Variants in TMIGD3 observed in about 807,000 individuals in gnomAD.
TMIGD3 encodes AD026 protein (AD026).
In TMIGD3, 21 loss-of-function variants were observed where a neutral mutation model predicts 28.1. That is an observed-to-expected ratio of 0.75 (90% CI 0.53 to 1.08). TMIGD3 has a LOEUF of 1.08. Among genes scored for constraint, TMIGD3 ranks in the 50% least tolerant of loss-of-function variants. The pLI is 0.00. For synonymous variants in TMIGD3, 151 were observed against 162.1 expected (o/e 0.93, Z 0.52); for missense variants, 416 against 435.6 (o/e 0.96, Z 0.40).
chr1:111,499,327 G>A, intron 1 of TMIGD3: 1 of 674,288 alleles, frequency 1.5e-6, no homozygotes, highest in Non-Finnish European at 1.8e-6. Context: ...AAGAAGGTGA[G>A]TATGCCAACA....
intron 1 of TMIGD3, chr1:111,501,233 A>G (rs1655157864): frequency 6.6e-6 from 1 of 152,508 alleles, no homozygotes; most frequent in African/African-American, 2.4e-5. Flanking sequence ...ATGGGCATCC[A>G]TACTTGGTAT....
At chr1:111,493,621 G>T (rs1378927034) in intron 1 of TMIGD3, among the ~76,000 whole-genome samples, 1 of 152,190 alleles carries the variant, frequency 6.6e-6, no homozygotes, top group East Asian at 1.9e-4. Flanking sequence ...CTCTACTTTT[G>T]TATGTATGAA....
At position 111,561,926 on chromosome 1, in the gene TMIGD3, T is replaced by TCTCCCTACTGCATTTACC. The variant is rs573828321; in HGVS notation, c.107+1902_107+1919dup. Among the ~76,000 whole-genome samples, 372 of 152,202 alleles carry TCTCCCTACTGCATTTACC rather than the reference T, an allele frequency of 2.4e-3. 1 individual carries two copies. The highest frequency in any genetic ancestry group is 8.4e-3 in the African/African-American group (349 of 41,536). On this transcript the variant is annotated intron_variant, in intron 1 of 5. Transcript: ENST00000369717. ...CCCCATCTCCTCCTTGCCCCTGGCCTCTCCCTACTGCATTTACCCTCCCTA... is the reference window on the plus strand; with the variant it reads ...CCCCATCTCCTCCTTGCCCCTGGCCTCTCCCTACTGCATTTACCCTCCCTACTGCATTTACCCTCCCTA...
intron 1 of TMIGD3, among the ~76,000 whole-genome samples, chr1:111,534,847 C>T (rs1434887188): frequency 2.0e-5 from 3 of 152,154 alleles, no homozygotes; most frequent in Non-Finnish European, 2.9e-5. Flanking sequence ...CCCCTATTTA[C>T]TCTCCCATCA....
At chr1:111,550,788 C>T (rs191403566) in intron 1 of TMIGD3, among the ~76,000 whole-genome samples, 1 of 152,320 alleles carries the variant, frequency 6.6e-6, no homozygotes, top group East Asian at 1.9e-4. Flanking sequence ...TGCCACCACA[C>T]CCAGCCCAAT....
intron 1 of TMIGD3, among the ~76,000 whole-genome samples, chr1:111,526,947 G>T (rs894995680): frequency 6.9e-6 from 1 of 145,808 alleles, no homozygotes; most frequent in African/African-American, 2.5e-5. Flanking sequence ...CATACAGTAT[G>T]TAGCTTTTTT....
upstream of TMIGD3, among the ~76,000 whole-genome samples, chr1:111,504,453 C>T (rs949880036): frequency 3.3e-5 from 5 of 152,214 alleles, no homozygotes; most frequent in African/African-American, 1.2e-4. Flanking sequence ...CCTGAAGCTG[C>T]TTACCTAGTC....
chr1:111,491,603 A>T (rs1023578192), intron 1 of TMIGD3, among the ~76,000 whole-genome samples: 1 of 152,208 alleles, frequency 6.6e-6, no homozygotes, highest in African/African-American at 2.4e-5. Flanking sequence ...TGAAGTCAGC[A>T]TGTGGGCAAG....
rs915712196 is a variant in TMIGD3, at chr1:111,495,763, A to G, written c.351-5001T>C. 3.3e-5 allele frequency among the ~76,000 whole-genome samples: 5 copies of G among 152,386 alleles called. No homozygotes were observed. The East Asian group carries it at 9.6e-4, about 29-fold the overall frequency. ...AGACATGGAATCAACCTAAATGCCC[A>G]TCAATGGCAGACTGGATTTTTAAAA... is the stretch of plus-strand genomic sequence containing the variant. On this transcript the variant is annotated intron_variant, in intron 1 of 5. Transcript: ENST00000369716.
intron 1 of TMIGD3, among the ~76,000 whole-genome samples, chr1:111,556,485 G>T (rs1452789261): frequency 6.6e-6 from 1 of 152,170 alleles, no homozygotes; most frequent in Non-Finnish European, 1.5e-5. Context: ...AGTTGCCATA[G>T]GGTGGAGGCA....
intron 1 of TMIGD3, among the ~76,000 whole-genome samples, chr1:111,558,788 A>C (rs1174690980): frequency 6.6e-6 from 1 of 152,192 alleles, no homozygotes; most frequent in Non-Finnish European, 1.5e-5. Flanking sequence ...AAATTGACAA[A>C]TACACCACCA....
At chr1:111,530,428 A>C (rs972267261) in intron 1 of TMIGD3, among the ~76,000 whole-genome samples, 2 of 152,130 alleles carry the variant, frequency 1.3e-5, no homozygotes, top group Admixed American at 6.5e-5. Context: ...ATTCCTTTGT[A>C]TAGATCCAGA....
At chr1:111,531,474 A>G (rs1369721296) in intron 1 of TMIGD3, among the ~76,000 whole-genome samples, 1 of 152,104 alleles carries the variant, frequency 6.6e-6, no homozygotes, top group African/African-American at 2.4e-5. Context: ...CCATGTCTCT[A>G]TCTAACATGC....
At chr1:111,511,069 T>C (rs906640283) in intron 1 of TMIGD3, among the ~76,000 whole-genome samples, 2 of 152,248 alleles carry the variant, frequency 1.3e-5, no homozygotes, top group African/African-American at 4.8e-5. Flanking sequence ...TTTATTGATG[T>C]GCACCCCACC....
At chr1:111,505,124 CAAA>C (rs754473063), upstream of TMIGD3, 342 of 103,230 alleles carry the variant, frequency 3.3e-3, 1 homozygote, top group Non-Finnish European at 4.9e-3. Context: ...AGCACTCTGC[CAAA>C]AAAAAAAAAA....
chr1:111,509,427 C>G (rs1655618831), intron 1 of TMIGD3, among the ~76,000 whole-genome samples: 1 of 152,164 alleles, frequency 6.6e-6, no homozygotes, highest in Admixed American at 6.5e-5. Flanking sequence ...TGTCCCCACC[C>G]CTATCACAGT....
In TMIGD3 at chr1:111,516,190, G is replaced by C. The variant is rs566839597; in HGVS notation, c.108-25428C>G. 7.2e-5 allele frequency among the ~76,000 whole-genome samples: 11 copies of C among 152,346 alleles called. No individual in the cohort carries two copies. The South Asian group carries it at 2.3e-3, about 32-fold the overall frequency. The stretch of plus-strand genomic sequence containing the variant: ...GCAGGCAGCACCTTGTGCTAAAGTT[G>C]GCCTAAGCAGGAAGCTGCTCTCAGG... On this transcript the variant is annotated intron_variant, in intron 1 of 5. Transcript: ENST00000369717.
chr1:111,520,887 C>T (rs1201215337), intron 1 of TMIGD3, among the ~76,000 whole-genome samples: 1 of 152,136 alleles, frequency 6.6e-6, no homozygotes, highest in Non-Finnish European at 1.5e-5. Context: ...TTAAAGTGCA[C>T]GCTTTGACTT....
At chr1:111,532,241 C>G (rs916273360) in intron 1 of TMIGD3, among the ~76,000 whole-genome samples, 1 of 150,630 alleles carries the variant, frequency 6.6e-6, no homozygotes, top group Non-Finnish European at 1.5e-5. Context: ...CTCTCCTGTT[C>G]GGTACTCTGT....
Sources: allele counts gnomAD v4.1 joint callset (sites outside exome capture counted in the v4.1 genomes callset), GRCh38; gene constraint gnomAD v4.1.1; transcripts MANE v1.5; gene names NCBI Gene and HGNC (gene_info 2026-07-23, HGNC 2026-07-21).